The following TTC3 variants were observed in gnomAD, a reference collection of about 807,000 sequenced individuals.
TTC3 encodes the protein tetratricopeptide repeat domain 3.
In TTC3, 180 loss-of-function variants were observed where a neutral mutation model predicts 249.6. The ratio of observed to expected loss-of-function variants is 0.72; its 90% CI spans 0.64 to 0.82. The LOEUF is 0.82. TTC3 is among the 40% of genes least tolerant of loss of function. The pLI is 0.00. For missense variants in TTC3, 2,061 were observed against 2,398.4 expected (o/e 0.86, Z 2.94); for synonymous variants, 717 against 805.0 (o/e 0.89, Z 1.85).
intron 1 of TTC3, among the ~76,000 whole-genome samples, chr21:37,079,545 T>G (rs201049002): frequency 0.027 from 3,852 of 140,520 alleles, 343 homozygotes; most frequent in East Asian, 0.25. Flanking sequence ...TTTTTTTTTT[T>G]TTTTTTAAGA....
Position 37,144,575 on chromosome 21 carries a change from G to A in TTC3, c.1823G>A (p.Arg608His), listed in dbSNP as rs199810201. Reference sequence around the variant, plus strand: ...GAGAAAGCAAGAACCTTGATTTATCGTCTTCCTGGAGTGTTAACTTGGCCC... The same window carrying A: ...GAGAAAGCAAGAACCTTGATTTATCATCTTCCTGGAGTGTTAACTTGGCCC... Residue 608 changes from arginine (R) to histidine (H), a missense_variant, in exon 21 of 46, where the codon CGT becomes CAT. Around this residue, in one of 3 missense-constraint regions of TTC3, gnomAD observed 989 missense variants for 1,145.1 expected, o/e 0.86. Transcript: ENST00000355666. 143 of 1,612,066 alleles carry A rather than the reference G, an allele frequency of 8.9e-5. No homozygotes were observed. Among genetic ancestry groups the A allele is most frequent in the East Asian group, 2.0e-4 (9 of 44,746 alleles).
At chr21:37,098,414 A>T (rs2074158595) in intron 10 of TTC3, 1 of 153,240 alleles carries the variant, frequency 6.5e-6, no homozygotes, top group Non-Finnish European at 1.5e-5. Flanking sequence ...TCCTTCTAAT[A>T]CCTTGCTGCA....
chr21:37,152,047 G>T lies in TTC3; in HGVS notation c.2413+18G>T, dbSNP rs745464973. The T allele has an allele frequency of 7.1e-6, 11 of 1,553,030 alleles. No individual in the cohort carries two copies. Among genetic ancestry groups the T allele is most frequent in the African/African-American group, 2.8e-5 (2 of 71,904 alleles). On this transcript the variant is annotated intron_variant, in intron 26 of 45. Coordinates refer to ENST00000355666, the Ensembl canonical transcript of TTC3. ...GCAGAAAGGTATGCAGAAGCCAAAG[G>T]CATGATAAGAATAATATACTCTCAT...
intron 1 of TTC3, among the ~76,000 whole-genome samples, chr21:37,081,078 A>G (rs1402806254): frequency 7.3e-6 from 1 of 136,278 alleles, no homozygotes; most frequent in Admixed American, 7.4e-5. Flanking sequence ...GCTGTTGCTT[A>G]TACAAAGTGT....
At chr21:37,150,200 T>C in intron 24 of TTC3, 30 bp downstream of exon 24, 2 of 1,488,120 alleles carry the variant, frequency 1.3e-6, no homozygotes, top group Non-Finnish European at 1.9e-6. Flanking sequence ...CCTTGTTAGA[T>C]AGATAACCAA....
At position 37,162,030 on chromosome 21, in the gene TTC3, A is replaced by G; in HGVS notation, c.3137A>G (p.Asn1046Ser). 1.3e-6 allele frequency: 2 copies of G among 1,591,090 alleles called. No individual in the cohort carries two copies. Among genetic ancestry groups the G allele is most frequent in the African/African-American group, 2.7e-5 (2 of 74,840 alleles). The stretch of plus-strand genomic sequence containing the variant: ...TCTGGAACAACTTCAGTAACTTCAA[A>G]TAATGAGATCATCACTTCAAGTGAA... Residue 1046 changes from asparagine to serine, a missense_variant, in exon 31 of 46, where the codon AAT becomes AGT. By Grantham distance (46) the Asn-to-Ser change is conservative. Transcript: ENST00000355666.
intron 21 of TTC3, among the ~76,000 whole-genome samples, chr21:37,146,786 C>T (rs1167758851): frequency 2.0e-5 from 3 of 152,098 alleles, no homozygotes; most frequent in Admixed American, 6.5e-5. Context: ...GTCAGCACAT[C>T]CTGTGAATAT....
chr21:37,096,165 T>C (rs2073922859), intron 9 of TTC3, among the ~76,000 whole-genome samples: 1 of 152,232 alleles, frequency 6.6e-6, no homozygotes, highest in Non-Finnish European at 1.5e-5. Flanking sequence ...AAACAAAAGT[T>C]CAAATGAAGC....
chr21:37,075,153 T>G (rs2070659987), intron 1 of TTC3, among the ~76,000 whole-genome samples: 1 of 140,854 alleles, frequency 7.1e-6, no homozygotes, highest in Non-Finnish European at 1.6e-5. Context: ...TATACATGCC[T>G]TTTTGCAACT....
Position 37,124,542 on chromosome 21 carries a change from C to T in TTC3, c.1110-77C>T, listed in dbSNP as rs2835612. 27,445 of 1,490,858 alleles carry T rather than the reference C, an allele frequency of 0.018. 1,691 individuals are homozygous for T. The East Asian group carries it at 0.24, about 13-fold the overall frequency. 92.4% of individuals were successfully genotyped at this position (1,490,858 alleles called of 1,614,324 possible). ...ATACCTTGCTTTCAAGGAAAAAAGGCTGTGATTGCTGCAACCTGTTCATTC... is the reference window on the plus strand; with the variant it reads ...ATACCTTGCTTTCAAGGAAAAAAGGTTGTGATTGCTGCAACCTGTTCATTC... On this transcript the variant is annotated intron_variant, in intron 13 of 45. Transcript: ENST00000355666.
intron 1 of TTC3, chr21:37,082,457 C>T: frequency 2.0e-6 from 2 of 984,566 alleles, no homozygotes; most frequent in Non-Finnish European, 2.4e-6. Context: ...TTTGAGGATG[C>T]TTGCTTTCTG....
In TTC3 at chr21:37,124,721, CG is replaced by C; in HGVS notation, c.1214del (p.Gly405ValfsTer6). 1.2e-6 allele frequency: 2 copies of C among 1,612,964 alleles called. No homozygotes were observed. Among genetic ancestry groups the C allele is most frequent in the South Asian group, 2.2e-5 (2 of 91,014 alleles). Reference sequence around the variant, plus strand: ...GAAAAATTAATCACGAAATGGCCAACGGTGGTAATCAGAATCTAAAGGTAAG... The same window carrying C: ...GAAAAATTAATCACGAAATGGCCAACGTGGTAATCAGAATCTAAAGGTAAG... On this transcript the variant is annotated frameshift_variant, in exon 14 of 46. Coordinates refer to ENST00000355666, the Ensembl canonical transcript of TTC3. LOFTEE classifies it high-confidence loss of function.
chr21:37,123,889 C>T (rs1381560377), intron 13 of TTC3, among the ~76,000 whole-genome samples: 1 of 151,686 alleles, frequency 6.6e-6, no homozygotes, highest in Non-Finnish European at 1.5e-5. Context: ...GCTGGGGCCA[C>T]AGGCGGCTGC....
At chr21:37,159,093 C>T (rs940075883) in intron 28 of TTC3, among the ~76,000 whole-genome samples, 4 of 152,176 alleles carry the variant, frequency 2.6e-5, no homozygotes, top group African/African-American at 9.6e-5. Flanking sequence ...CTGGGTTCAT[C>T]ATCATCCTCT....
exon 42 of TTC3, chr21:37,195,894 G>A: frequency 1.4e-5 from 22 of 1,614,250 alleles, no homozygotes; most frequent in Non-Finnish European, 1.9e-5. Flanking sequence ...GGCTGGCCAG[G>A]CAGCTCTGTC....
At chr21:37,087,507 G>A in intron 2 of TTC3, 106 bp downstream of exon 2, 1 of 1,372,026 alleles carries the variant, frequency 7.3e-7, no homozygotes, top group Non-Finnish European at 1.0e-6. Context: ...GTTTTGACAG[G>A]GAGGTACACA....
intron 38 of TTC3, 34 bp downstream of exon 38, chr21:37,187,179 T>C: frequency 6.8e-7 from 1 of 1,461,556 alleles, no homozygotes; most frequent in South Asian, 1.3e-5. Flanking sequence ...CACTATGGCA[T>C]TTGTCATTTG....
At chr21:37,125,904 C>A (rs915156465) in intron 14 of TTC3, among the ~76,000 whole-genome samples, 176 bp from the exon 15 acceptor site, 2 of 151,994 alleles carry the variant, frequency 1.3e-5, no homozygotes, top group African/African-American at 2.4e-5. Flanking sequence ...TGATCCTTAT[C>A]ATTAGTTATC....
chr21:37,148,446 A>G (rs2079166408), intron 22 of TTC3, 100 bp from the exon 23 acceptor site: 1 of 536,154 alleles, frequency 1.9e-6, no homozygotes, highest in East Asian at 3.1e-5. Context: ...GTGGAAATAA[A>G]TATGTTAGTC....
Sources: gnomAD v4.1 joint callset for allele counts (sites outside exome capture counted in the v4.1 genomes callset) on GRCh38, gnomAD v4.1.1 for gene constraint, gnomAD v4.1.1 regional missense constraint, MANE v1.5 for transcripts, NCBI Gene and HGNC (gene_info 2026-07-23, HGNC 2026-07-21) for gene names.